RASGRF2: variants seen among roughly 807,000 people sequenced by gnomAD.
RASGRF2 encodes Ras protein specific guanine nucleotide releasing factor 2, also known as ras-specific guanine nucleotide-releasing factor 2.
Under a neutral mutation model 151.0 loss-of-function variants are expected in RASGRF2, and 76 were observed. The ratio of observed to expected loss-of-function variants is 0.50; its 90% CI spans 0.42 to 0.61. RASGRF2 has a LOEUF of 0.61. Among genes scored for constraint, RASGRF2 ranks in the 20% least tolerant of loss-of-function variants. The pLI is 0.00. For missense variants in RASGRF2, 1,148 were observed against 1,564.6 expected, an observed-to-expected ratio of 0.73 and a Z score of 4.49; for synonymous variants, 504 against 566.5, an observed-to-expected ratio of 0.89 and a Z score of 1.57.
chr5:81,170,150 CCACCTGCATCACTTGCAG>C (rs1415363283), intron 17 of RASGRF2, among the ~76,000 whole-genome samples: 4 of 151,898 alleles, frequency 2.6e-5, no homozygotes, highest in Admixed American at 6.6e-5. Context: ...ATCACCTGCA[CCACCTGCATCACTTGCAG>C]CACCTGCACT....
chr5:81,065,028 A>G, intron 2 of RASGRF2, among the ~76,000 whole-genome samples: 1 of 152,270 alleles, frequency 6.6e-6, no homozygotes, highest in African/African-American at 2.4e-5. Context: ...TACGAGTTCT[A>G]CAGCAGCAAG....
intron 18 of RASGRF2, among the ~76,000 whole-genome samples, chr5:81,184,403 C>G (rs768017545): frequency 1.4e-4 from 22 of 152,234 alleles, no homozygotes; most frequent in Non-Finnish European, 2.8e-4. Flanking sequence ...CATTTCAGAT[C>G]TGTGCACAAG....
chr5:81,128,698 T>C (rs192335318), intron 17 of RASGRF2, among the ~76,000 whole-genome samples: 379 of 152,326 alleles, frequency 2.5e-3, no homozygotes, highest in Non-Finnish European at 4.1e-3. Context: ...GCTCCACGAT[T>C]CTTTCTGAGT....
At chr5:81,187,405 C>T (rs1755049081) in intron 18 of RASGRF2, among the ~76,000 whole-genome samples, 2 of 152,124 alleles carry the variant, frequency 1.3e-5, no homozygotes, top group Admixed American at 1.3e-4. Flanking sequence ...GGAAACAGAC[C>T]CAGCTGTCAA....
intron 17 of RASGRF2, among the ~76,000 whole-genome samples, chr5:81,167,226 C>T (rs998504350): frequency 6.6e-6 from 1 of 152,210 alleles, no homozygotes; most frequent in East Asian, 1.9e-4. Flanking sequence ...TCCTACTTAA[C>T]ACAGTTAGAA....
chr5:81,216,951 T>A (rs1198535349), intron 24 of RASGRF2: 12 of 455,466 alleles, frequency 2.6e-5, no homozygotes, highest in Non-Finnish European at 4.9e-5. Flanking sequence ...ACTGCATGGA[T>A]TTTTCCATCT....
chr5:81,045,634 G>A (rs561131667), intron 2 of RASGRF2, among the ~76,000 whole-genome samples: 2 of 151,784 alleles, frequency 1.3e-5, no homozygotes, highest in Admixed American at 1.3e-4. Flanking sequence ...TGACTTTTTG[G>A]TCCATTAGGT....
At chr5:81,091,332 C>A (rs1469640422) in intron 9 of RASGRF2, among the ~76,000 whole-genome samples, 1 of 152,178 alleles carries the variant, frequency 6.6e-6, no homozygotes, top group Non-Finnish European at 1.5e-5. Context: ...GGCTGCCAGC[C>A]AGTTTGCTCC....
intron 18 of RASGRF2, 102 bp downstream of exon 18, chr5:81,180,383 T>G: frequency 1.4e-6 from 1 of 714,452 alleles, no homozygotes; most frequent in Non-Finnish European, 2.5e-6. Flanking sequence ...TGGAGTTCAA[T>G]GTGAAACCTT....
chr5:80,991,044 C>G (rs1369669597), intron 1 of RASGRF2, among the ~76,000 whole-genome samples: 3 of 152,144 alleles, frequency 2.0e-5, no homozygotes, highest in Non-Finnish European at 4.4e-5. Flanking sequence ...GTCAGCACTT[C>G]TTAATTTTAT....
At chr5:81,038,503 G>T (rs1750576387) in intron 1 of RASGRF2, among the ~76,000 whole-genome samples, 1 of 146,380 alleles carries the variant, frequency 6.8e-6, no homozygotes, top group African/African-American at 2.5e-5. Flanking sequence ...TGGGTATGGT[G>T]TGTTCATATT....
intron 1 of RASGRF2, among the ~76,000 whole-genome samples, chr5:80,971,018 C>CTT (rs1747913897): frequency 6.6e-6 from 1 of 152,080 alleles, no homozygotes; most frequent in Non-Finnish European, 1.5e-5. Context: ...TTTTTCTTTA[C>CTT]TTTTTTATAT....
At chr5:80,984,306 G>A (rs1210232954) in intron 1 of RASGRF2, among the ~76,000 whole-genome samples, 9 of 152,168 alleles carry the variant, frequency 5.9e-5, no homozygotes, top group African/African-American at 1.2e-4. Flanking sequence ...CACCCGCCTC[G>A]GCCTCCCAGG....
At chr5:81,153,345 A>C (rs187854982) in intron 17 of RASGRF2, among the ~76,000 whole-genome samples, 3 of 152,354 alleles carry the variant, frequency 2.0e-5, no homozygotes, top group African/African-American at 7.2e-5. Flanking sequence ...ACTCACAAGG[A>C]TCTCTAAAAG....
intron 1 of RASGRF2, among the ~76,000 whole-genome samples, chr5:81,003,892 T>G (rs1050680005): frequency 6.6e-6 from 1 of 152,220 alleles, no homozygotes; most frequent in Admixed American, 6.5e-5. Flanking sequence ...CTGAGCCTTC[T>G]GAAATGTTTA....
At position 81,014,043 on chromosome 5, in the gene RASGRF2, T is replaced by C. The variant is rs146921751; in HGVS notation, c.289-28834T>C. On this transcript the variant is annotated intron_variant, in intron 1 of 26. Coordinates refer to ENST00000265080, the MANE Select transcript of RASGRF2 (RefSeq NM_006909.3). ...CTATGGATCGTCTTTTTTTTATTGA[T>C]TATATATGTGGATAATAATCAGTTA... is the stretch of plus-strand genomic sequence containing the variant. Among the ~76,000 whole-genome samples the C allele has an allele frequency of 8.5e-5, 13 of 152,308 alleles. No homozygotes were observed. The East Asian group carries it at 2.5e-3, about 29-fold the overall frequency.
At chr5:81,150,098 T>C (rs189465993) in intron 17 of RASGRF2, among the ~76,000 whole-genome samples, 155 of 152,266 alleles carry the variant, frequency 1.0e-3, no homozygotes, top group African/African-American at 3.6e-3. Context: ...TGTCTGGTGA[T>C]TTGGCAGTGG....
rs771017713 is a variant in RASGRF2, at chr5:81,212,562, AG to A, written c.3354+1del. On this transcript the variant is annotated frameshift_variant and splice_region_variant, in exon 23 of 27. Transcript: ENST00000265080. LOFTEE classifies it high-confidence loss of function. ...LKKTWAKVSK[Q>X]TKALMDKLQK... ...AAAACCTGGGCCAAGGTCTCTAAGC[AG>A]GTGAGCCTCAGCGTGTGACACAGCC... 1 of 1,608,584 alleles carries A rather than the reference AG, an allele frequency of 6.2e-7. No homozygotes were observed. Among genetic ancestry groups the A allele is most frequent in the East Asian group, 2.2e-5 (1 of 44,800 alleles).
chr5:80,986,604 T>C (rs1748479732), intron 1 of RASGRF2, among the ~76,000 whole-genome samples: 1 of 152,238 alleles, frequency 6.6e-6, no homozygotes, highest in African/African-American at 2.4e-5. Context: ...AATTGCTCCA[T>C]AGTGGATGCC....
Sources: allele counts gnomAD v4.1 joint callset (sites outside exome capture counted in the v4.1 genomes callset), GRCh38; gene constraint gnomAD v4.1.1; transcripts MANE v1.5; gene names NCBI Gene and HGNC (gene_info 2026-07-23, HGNC 2026-07-21).